Variants in TRAK1 observed in about 807,000 individuals in gnomAD.
The protein encoded by TRAK1 is trafficking kinesin protein 1.
Under a neutral mutation model 92.1 loss-of-function variants are expected in TRAK1, and 33 were observed. The ratio of observed to expected loss-of-function variants is 0.36; its 90% CI spans 0.27 to 0.48. The LOEUF is 0.48. Among genes scored for constraint, TRAK1 ranks in the 20% least tolerant of loss-of-function variants. The pLI, the probability that TRAK1 is intolerant of heterozygous loss-of-function variation, is 0.99. For synonymous variants in TRAK1, 521 were observed against 517.3 expected (o/e 1.01, Z -0.10); for missense variants, 1,123 against 1,257.9 (o/e 0.89, Z 1.62).
chr3:42,090,678 C>T (rs947410530), upstream of TRAK1, among the ~76,000 whole-genome samples: 1 of 152,070 alleles, frequency 6.6e-6, no homozygotes, highest in African/African-American at 2.4e-5. Context: ...GTGAGACTCT[C>T]TCAAAAAAAC....
intron 3 of TRAK1, among the ~76,000 whole-genome samples, chr3:42,181,007 G>A (rs186967462): frequency 6.6e-6 from 1 of 152,316 alleles, no homozygotes; most frequent in East Asian, 1.9e-4. Context: ...AAGAAGAGGC[G>A]AGGCAGCCCT....
chr3:42,162,730 T>A (rs941728610), intron 2 of TRAK1, among the ~76,000 whole-genome samples: 2 of 152,180 alleles, frequency 1.3e-5, no homozygotes, highest in African/African-American at 4.8e-5. Flanking sequence ...ATAAACAGGT[T>A]TCTGACCAGT....
chr3:42,138,699 G>T (rs1391111311), intron 2 of TRAK1, among the ~76,000 whole-genome samples: 1 of 146,742 alleles, frequency 6.8e-6, no homozygotes, highest in Non-Finnish European at 1.5e-5. Context: ...CCAGCCTGGG[G>T]AACATGGTGA....
At chr3:42,047,473 G>A (rs2148909416) in intron 1 of TRAK1, among the ~76,000 whole-genome samples, 1 of 152,070 alleles carries the variant, frequency 6.6e-6, no homozygotes, top group Admixed American at 6.5e-5. Flanking sequence ...CCAGTGTTGG[G>A]ATTACAGGCG....
chr3:42,026,524 C>CTT (rs779064338), intron 1 of TRAK1, among the ~76,000 whole-genome samples: 9 of 135,068 alleles, frequency 6.7e-5, no homozygotes, highest in East Asian at 2.1e-4. Flanking sequence ...TCAGTGATCT[C>CTT]TTTTTTTTTT....
chr3:42,041,836 C>T (rs1402080563), intron 1 of TRAK1, among the ~76,000 whole-genome samples: 1 of 151,692 alleles, frequency 6.6e-6, no homozygotes, highest in Admixed American at 6.6e-5. Flanking sequence ...GCTCTGCCGC[C>T]CAGGCTGGAG....
chr3:42,064,791 A>G (rs938569616), intron 1 of TRAK1, among the ~76,000 whole-genome samples: 13 of 151,946 alleles, frequency 8.6e-5, no homozygotes, highest in Non-Finnish European at 1.9e-4. Context: ...GGTGGCTCAC[A>G]CCTGTAATCC....
intron 1 of TRAK1, among the ~76,000 whole-genome samples, chr3:42,073,579 G>A (rs1044158449): frequency 1.3e-5 from 2 of 152,226 alleles, no homozygotes; most frequent in African/African-American, 2.4e-5. Flanking sequence ...GTGGCCTAGG[G>A]CATGTGAAAG....
chr3:42,167,065 C>T (rs139743998), intron 2 of TRAK1, among the ~76,000 whole-genome samples: 221 of 152,320 alleles, frequency 1.5e-3, no homozygotes, highest in Non-Finnish European at 1.9e-3. Flanking sequence ...CAGAAGCAAA[C>T]GGGCAGACTG....
At chr3:42,145,632 TG>T in intron 2 of TRAK1, 1 of 153,202 alleles carries the variant, frequency 6.5e-6, no homozygotes, top group East Asian at 1.9e-4. Flanking sequence ...TACTTGATTT[TG>T]TTTACATCTG....
chr3:42,133,544 A>G (rs1697494400), intron 2 of TRAK1, among the ~76,000 whole-genome samples: 1 of 152,172 alleles, frequency 6.6e-6, no homozygotes, highest in East Asian at 1.9e-4. Context: ...TTGGTTCTCA[A>G]CAGAAGTGTG....
intron 1 of TRAK1, among the ~76,000 whole-genome samples, chr3:42,059,257 CTAAT>C (rs1367774391): frequency 6.6e-6 from 1 of 151,922 alleles, no homozygotes; most frequent in African/African-American, 2.4e-5. Context: ...CTATGTCTGG[CTAAT>C]TTTAAAAAAT....
intron 2 of TRAK1, among the ~76,000 whole-genome samples, chr3:42,137,395 G>A (rs1381483756): frequency 6.6e-6 from 1 of 152,210 alleles, no homozygotes; most frequent in Non-Finnish European, 1.5e-5. Flanking sequence ...ACATCCTAAA[G>A]ATTTTTTTAT....
At chr3:42,148,485 G>T (rs1295469821) in intron 2 of TRAK1, among the ~76,000 whole-genome samples, 1 of 152,098 alleles carries the variant, frequency 6.6e-6, no homozygotes, top group African/African-American at 2.4e-5. Flanking sequence ...TATTTTTTAA[G>T]GAAATAAAAC....
chr3:42,188,223 C>A, intron 5 of TRAK1, 78 bp downstream of exon 5: 1 of 1,367,134 alleles, frequency 7.3e-7, no homozygotes, highest in Non-Finnish European at 1.0e-6. Flanking sequence ...GTCACCTAGA[C>A]AGGGTCACCT....
intron 1 of TRAK1, among the ~76,000 whole-genome samples, chr3:42,068,348 TA>T (rs1703770027): frequency 6.6e-6 from 1 of 152,124 alleles, no homozygotes; most frequent in African/African-American, 2.4e-5. Flanking sequence ...TAATCTTTTG[TA>T]GAGACTGAGT....
At chr3:42,057,428 T>C (rs1395693911) in intron 1 of TRAK1, among the ~76,000 whole-genome samples, 2 of 152,216 alleles carry the variant, frequency 1.3e-5, no homozygotes, top group Non-Finnish European at 2.9e-5. Flanking sequence ...TCTTCTTTCC[T>C]AATAGAATCC....
intron 10 of TRAK1, among the ~76,000 whole-genome samples, chr3:42,197,132 G>A (rs553047112): frequency 5.1e-4 from 77 of 152,082 alleles, no homozygotes; most frequent in Admixed American, 8.5e-4. Context: ...AGACTTGCCT[G>A]GATTGCCAGA....
At chr3:42,165,976 T>G (rs1185467849) in intron 2 of TRAK1, among the ~76,000 whole-genome samples, 1 of 152,128 alleles carries the variant, frequency 6.6e-6, no homozygotes, top group Non-Finnish European at 1.5e-5. Context: ...TGCCCATTTC[T>G]GGGGCCTGTC....
Sources: allele counts gnomAD v4.1 joint callset (sites outside exome capture counted in the v4.1 genomes callset), GRCh38; gene constraint gnomAD v4.1.1; transcripts MANE v1.5; gene names NCBI Gene and HGNC (gene_info 2026-07-23, HGNC 2026-07-21).